SPATA17: variants seen among roughly 807,000 people sequenced by gnomAD.
SPATA17 encodes the protein spermatogenesis associated 17.
Under a neutral mutation model 62.2 loss-of-function variants are expected in SPATA17, and 53 were observed. The observed-to-expected ratio is 0.85, with a 90% CI of 0.68 to 1.07. The LOEUF (loss-of-function observed/expected upper bound fraction) is 1.07, where lower values mean the gene tolerates loss of function less well. SPATA17 is among the 50% of genes least tolerant of loss of function. SPATA17 has a pLI of 0.00. For missense variants in SPATA17, 466 were observed against 425.5 expected (o/e 1.10, Z -0.84); for synonymous variants, 146 against 146.8 (o/e 0.99, Z 0.04).
chr1:217,817,423 T>C (rs528715669), intron 9 of SPATA17, among the ~76,000 whole-genome samples: 25 of 152,216 alleles, frequency 1.6e-4, no homozygotes, highest in African/African-American at 4.8e-4. Context: ...CCTGCCATCA[T>C]GTGAAGAAGG....
At chr1:217,841,799 A>G (rs969491300) in intron 9 of SPATA17, among the ~76,000 whole-genome samples, 1 of 149,822 alleles carries the variant, frequency 6.7e-6, no homozygotes, top group African/African-American at 2.4e-5. Flanking sequence ...ATACTTTCCT[A>G]CATATTAAAT....
chr1:217,779,051 A>G (rs750892236), intron 7 of SPATA17, among the ~76,000 whole-genome samples: 1 of 152,056 alleles, frequency 6.6e-6, no homozygotes, highest in Non-Finnish European at 1.5e-5. Flanking sequence ...TGGAAAATAT[A>G]TATGTATAAA....
chr1:217,804,790 C>CT (rs1357742170), intron 9 of SPATA17, among the ~76,000 whole-genome samples: 4 of 152,106 alleles, frequency 2.6e-5, no homozygotes, highest in African/African-American at 9.7e-5. Context: ...TGAGAAGATG[C>CT]TCAACATCAC....
chr1:217,724,663 A>G (rs1162322899), intron 5 of SPATA17, among the ~76,000 whole-genome samples: 1 of 152,134 alleles, frequency 6.6e-6, no homozygotes, highest in Non-Finnish European at 1.5e-5. Context: ...ACTTCTACCA[A>G]CAGTGCACAA....
At chr1:217,756,532 A>C (rs1354247426) in intron 6 of SPATA17, among the ~76,000 whole-genome samples, 1 of 152,202 alleles carries the variant, frequency 6.6e-6, no homozygotes, top group African/African-American at 2.4e-5. Flanking sequence ...TACTTTAAGA[A>C]TATTTTCCTG....
chr1:217,819,303 A>T (rs1001216204), intron 9 of SPATA17, among the ~76,000 whole-genome samples: 1 of 151,894 alleles, frequency 6.6e-6, no homozygotes, highest in Non-Finnish European at 1.5e-5. Flanking sequence ...GGTTTCTTTA[A>T]TAAAATAATG....
chr1:217,788,991 G>A (rs1283370968), intron 8 of SPATA17, among the ~76,000 whole-genome samples: 2 of 152,110 alleles, frequency 1.3e-5, no homozygotes, highest in Admixed American at 6.5e-5. Flanking sequence ...AATCCCTAGG[G>A]ATTCAAGAGT....
rs1036162263 is a variant in SPATA17, at chr1:217,766,771, G to A, written c.520-7563G>A. Reference sequence around the variant, plus strand: ...TTCTCAACTCTTACTTTAGGTTCACGGGGCACACATGCAGGTTTGTTATAT... The same window carrying A: ...TTCTCAACTCTTACTTTAGGTTCACAGGGCACACATGCAGGTTTGTTATAT... On this transcript the variant is annotated intron_variant, in intron 6 of 10. Transcript: ENST00000366933. Among the ~76,000 whole-genome samples, 6 of 147,832 alleles carry A rather than the reference G, an allele frequency of 4.1e-5. 1 individual carries two copies. Among genetic ancestry groups the A allele is most frequent in the Admixed American group, 2.7e-4 (4 of 14,644 alleles).
At chr1:217,661,745 T>G (rs915039624) in intron 3 of SPATA17, among the ~76,000 whole-genome samples, 1 of 152,200 alleles carries the variant, frequency 6.6e-6, no homozygotes, top group Non-Finnish European at 1.5e-5. Flanking sequence ...ATTGAGGATG[T>G]GCTCTGATTC....
intron 6 of SPATA17, among the ~76,000 whole-genome samples, chr1:217,746,606 T>A (rs1047387244): frequency 6.6e-6 from 1 of 151,770 alleles, no homozygotes; most frequent in East Asian, 1.9e-4. Flanking sequence ...GATATACTCA[T>A]ATACTCATAT....
At chr1:217,783,975 C>G (rs906133374) in intron 8 of SPATA17, among the ~76,000 whole-genome samples, 1 of 151,946 alleles carries the variant, frequency 6.6e-6, no homozygotes, top group Non-Finnish European at 1.5e-5. Flanking sequence ...AACCAAGTTG[C>G]AGATGCTAAA....
chr1:217,699,107 T>C (rs1331802047), intron 5 of SPATA17, among the ~76,000 whole-genome samples: 1 of 152,244 alleles, frequency 6.6e-6, no homozygotes, highest in African/African-American at 2.4e-5. Context: ...CATTTACCCA[T>C]TGAAGGATGT....
intron 5 of SPATA17, among the ~76,000 whole-genome samples, chr1:217,738,724 G>T (rs1006298163): frequency 1.3e-5 from 2 of 152,222 alleles, no homozygotes; most frequent in African/African-American, 4.8e-5. Context: ...AGCCAAGGCT[G>T]GTGGATTACC....
chr1:217,789,144 A>G (rs1673939517), intron 8 of SPATA17, among the ~76,000 whole-genome samples: 1 of 152,224 alleles, frequency 6.6e-6, no homozygotes, highest in Admixed American at 6.5e-5. Flanking sequence ...GAAACTGTAT[A>G]GACAGCTCAA....
intron 9 of SPATA17, among the ~76,000 whole-genome samples, chr1:217,837,976 C>A (rs1314288680): frequency 1.3e-5 from 2 of 152,002 alleles, no homozygotes; most frequent in Admixed American, 1.3e-4. Flanking sequence ...ACATTGAGTT[C>A]TGAATTGAGA....
intron 5 of SPATA17, among the ~76,000 whole-genome samples, chr1:217,704,125 T>C (rs1571744317): frequency 6.6e-6 from 1 of 151,972 alleles, no homozygotes; most frequent in African/African-American, 2.4e-5. Context: ...ATAGGCAAAT[T>C]GCATGTCACA....
Position 217,742,154 on chromosome 1 carries a change from A to C in SPATA17, c.519+56A>C, listed in dbSNP as rs965024795. The stretch of plus-strand genomic sequence containing the variant: ...AAGCCACTTGGGCCCCTAGCCTGAC[A>C]AAGATAAACTAGCAGGCTGAATGGG... On this transcript the variant is annotated intron_variant, in intron 6 of 10. Coordinates refer to ENST00000366933, the MANE Select transcript of SPATA17 (RefSeq NM_138796.4). 88 of 1,595,516 alleles carry C rather than the reference A, an allele frequency of 5.5e-5. No individual in the cohort carries two copies. In the African/African-American group the frequency reaches 9.3e-4, roughly 17 times the overall value.
intron 8 of SPATA17, among the ~76,000 whole-genome samples, chr1:217,783,036 T>C (rs1673768828): frequency 1.3e-5 from 2 of 151,210 alleles, no homozygotes; most frequent in Non-Finnish European, 3.0e-5. Context: ...TTTAATATTA[T>C]TTATATGCTA....
At chr1:217,647,982 G>A (rs12139238) in intron 1 of SPATA17, among the ~76,000 whole-genome samples, 2 of 151,730 alleles carry the variant, frequency 1.3e-5, no homozygotes, top group South Asian at 2.1e-4. Context: ...CTTGGCCTCC[G>A]AGAGTGCTGG....
Sources: allele counts gnomAD v4.1 joint callset (sites outside exome capture counted in the v4.1 genomes callset), GRCh38; gene constraint gnomAD v4.1.1; transcripts MANE v1.5; gene names NCBI Gene and HGNC (gene_info 2026-07-23, HGNC 2026-07-21).